MAGI3: variants seen among roughly 807,000 people sequenced by gnomAD.
MAGI3 encodes the protein membrane-associated guanylate kinase, WW and PDZ domain-containing protein 3.
Under a neutral mutation model 121.8 loss-of-function variants are expected in MAGI3, and 43 were observed. The ratio of observed to expected loss-of-function variants is 0.35; its 90% CI spans 0.28 to 0.46. The LOEUF is 0.46. MAGI3 is among the 20% of genes least tolerant of loss of function. The pLI, the probability that MAGI3 is intolerant of heterozygous loss-of-function variation, is 1.00. For missense variants in MAGI3, 1,547 were observed against 1,797.3 expected, an observed-to-expected ratio of 0.86 and a Z score of 2.52; for synonymous variants, 553 against 639.3, an observed-to-expected ratio of 0.86 and a Z score of 2.04.
At chr1:113,479,726 A>T (rs1656022371) in intron 1 of MAGI3, among the ~76,000 whole-genome samples, 2 of 151,956 alleles carry the variant, frequency 1.3e-5, no homozygotes, top group Non-Finnish European at 2.9e-5. Flanking sequence ...TGTAATACAT[A>T]TATTGGTTCT....
At chr1:113,579,387 T>A (rs1647866219) in intron 2 of MAGI3, among the ~76,000 whole-genome samples, 2 of 152,064 alleles carry the variant, frequency 1.3e-5, no homozygotes, top group Non-Finnish European at 2.9e-5. Flanking sequence ...ATTAAAATAA[T>A]TGAAAAATAT....
At chr1:113,591,788 G>A (rs1166024090) in intron 5 of MAGI3, among the ~76,000 whole-genome samples, 1 of 152,140 alleles carries the variant, frequency 6.6e-6, no homozygotes, top group Non-Finnish European at 1.5e-5. Context: ...ATAAGGTGTA[G>A]AGTCATTAGA....
At chr1:113,672,376 G>T (rs1362756037) in intron 17 of MAGI3, among the ~76,000 whole-genome samples, 4 of 152,012 alleles carry the variant, frequency 2.6e-5, no homozygotes, top group African/African-American at 9.7e-5. Flanking sequence ...GATATAAACT[G>T]CTCTGAGATG....
intron 6 of MAGI3, among the ~76,000 whole-genome samples, chr1:113,607,954 G>C (rs1649887460): frequency 6.6e-6 from 1 of 152,090 alleles, no homozygotes; most frequent in Non-Finnish European, 1.5e-5. Context: ...CCAGGAATCA[G>C]TCTTGTTTCC....
At chr1:113,433,163 T>G (rs1653390367) in intron 1 of MAGI3, among the ~76,000 whole-genome samples, 1 of 152,208 alleles carries the variant, frequency 6.6e-6, no homozygotes, top group Non-Finnish European at 1.5e-5. Context: ...TGTGATATTT[T>G]CTTCAGTGAA....
At chr1:113,481,403 C>T (rs1656105871) in intron 1 of MAGI3, among the ~76,000 whole-genome samples, 1 of 152,124 alleles carries the variant, frequency 6.6e-6, no homozygotes, top group Non-Finnish European at 1.5e-5. Context: ...TTGACAGAAA[C>T]AAATGGATGA....
intron 20 of MAGI3, 116 bp downstream of exon 20, chr1:113,681,452 G>T: frequency 8.9e-7 from 1 of 1,127,844 alleles, no homozygotes. Flanking sequence ...AGAGGTGAAT[G>T]CTAGAACCAT....
chr1:113,439,172 A>G (rs927222861), intron 1 of MAGI3, among the ~76,000 whole-genome samples: 1 of 152,244 alleles, frequency 6.6e-6, no homozygotes, highest in Non-Finnish European at 1.5e-5. Context: ...AGACAAAGGG[A>G]TAATTCACAT....
At chr1:113,392,863 G>A (rs1325250799) in intron 1 of MAGI3, among the ~76,000 whole-genome samples, 1 of 152,184 alleles carries the variant, frequency 6.6e-6, no homozygotes, top group Non-Finnish European at 1.5e-5. Flanking sequence ...TCTGTAATAT[G>A]CAAAAGGCTA....
At chr1:113,611,910 A>T (rs1327132421) in intron 6 of MAGI3, among the ~76,000 whole-genome samples, 2 of 150,274 alleles carry the variant, frequency 1.3e-5, no homozygotes, top group Non-Finnish European at 3.0e-5. Context: ...ATCTATCTGG[A>T]ATCATCTCCC....
At chr1:113,497,262 C>T (rs1286912435) in intron 1 of MAGI3, among the ~76,000 whole-genome samples, 4 of 109,336 alleles carry the variant, frequency 3.7e-5, no homozygotes, top group African/African-American at 9.1e-5. Flanking sequence ...GCGTGAGCGA[C>T]GCAGAAGACG....
At chr1:113,660,484 C>T (rs937247646) in intron 16 of MAGI3, among the ~76,000 whole-genome samples, 8 of 152,120 alleles carry the variant, frequency 5.3e-5, no homozygotes, top group Admixed American at 3.3e-4. Context: ...CCCCCGCAAC[C>T]GCAACTCCCA....
intron 16 of MAGI3, among the ~76,000 whole-genome samples, chr1:113,663,059 C>T (rs1653866426): frequency 6.6e-6 from 1 of 152,020 alleles, no homozygotes; most frequent in South Asian, 2.1e-4. Flanking sequence ...AACCCCACCT[C>T]TACTAAAAAT....
chr1:113,637,625 G>A (rs2101814221), intron 9 of MAGI3, among the ~76,000 whole-genome samples: 1 of 152,258 alleles, frequency 6.6e-6, no homozygotes, highest in South Asian at 2.1e-4. Context: ...GCTTCCCTTT[G>A]TGGGTAACCC....
At chr1:113,546,458 T>C (rs1659538239) in intron 1 of MAGI3, among the ~76,000 whole-genome samples, 1 of 152,148 alleles carries the variant, frequency 6.6e-6, no homozygotes, top group Non-Finnish European at 1.5e-5. Context: ...TGCCTCAGCC[T>C]CTGGAGTATT....
intron 1 of MAGI3, among the ~76,000 whole-genome samples, chr1:113,537,418 G>T (rs1659059421): frequency 1.3e-5 from 2 of 152,150 alleles, no homozygotes; most frequent in South Asian, 4.1e-4. Context: ...ACTGTCGTCT[G>T]CAGCTTTGAA....
At chr1:113,463,714 A>G (rs2101523476) in intron 1 of MAGI3, among the ~76,000 whole-genome samples, 1 of 152,160 alleles carries the variant, frequency 6.6e-6, no homozygotes, top group East Asian at 1.9e-4. Flanking sequence ...CTTTTAACCC[A>G]CTTTAGAGGA....
rs557464677 is a variant in MAGI3, at chr1:113,508,350, G to A, written c.317-41165G>A. On this transcript the variant is annotated intron_variant, in intron 1 of 20. Transcript: ENST00000307546. ...TAGGCACCTCTCTTTTCAAGTTTCC[G>A]TACAGAGATTTTAATTCCTTTGGTC... Among the ~76,000 whole-genome samples, 12 of 152,246 alleles carry A rather than the reference G, an allele frequency of 7.9e-5. No individual in the cohort carries two copies. In the East Asian group the frequency reaches 1.2e-3, roughly 15 times the overall value.
intron 2 of MAGI3, among the ~76,000 whole-genome samples, chr1:113,557,298 T>G (rs1267467400): frequency 6.6e-6 from 1 of 152,102 alleles, no homozygotes; most frequent in East Asian, 1.9e-4. Flanking sequence ...CTCTGATCTC[T>G]CCCTGGGATG....
Sources: allele counts gnomAD v4.1 joint callset (sites outside exome capture counted in the v4.1 genomes callset), GRCh38; gene constraint gnomAD v4.1.1; transcripts MANE v1.5; gene names NCBI Gene and HGNC (gene_info 2026-07-23, HGNC 2026-07-21).